RAB11FIP2: variants seen among roughly 807,000 people sequenced by gnomAD.
RAB11FIP2 encodes rab11 family-interacting protein 2.
A neutral mutation model predicts 40.9 loss-of-function variants in RAB11FIP2; 16 were observed. The observed-to-expected ratio is 0.39, with a 90% CI of 0.26 to 0.59. The LOEUF is 0.59. RAB11FIP2 is among the 20% of genes least tolerant of loss of function. The pLI is 0.53. For missense variants in RAB11FIP2, 532 were observed against 606.2 expected (o/e 0.88, Z 1.28); for synonymous variants, 228 against 213.7 (o/e 1.07, Z -0.58).
At chr10:118,032,803 A>C (rs945704525) in intron 3 of RAB11FIP2, among the ~76,000 whole-genome samples, 7 of 152,044 alleles carry the variant, frequency 4.6e-5, no homozygotes, top group African/African-American at 1.7e-4. Context: ...TGGGATGTGA[A>C]TCATCCCTTT....
rs1454662904 is a variant in RAB11FIP2, at chr10:118,039,184, T to G, written c.1053A>C (p.Arg351Ser). ...KPIEIRKENK[R>S]EKREKVSLFE... ...ACAGGCTAACTTTCTCCCTTTTCTC[T>G]CTTTTATTTTCTTTTCTTATTTCAA... Residue 351 changes from arginine (R) to serine (S), a missense_variant, in exon 3 of 5, where the codon AGA (arginine) becomes AGC (serine). Arg to Ser is a moderately radical substitution (Grantham distance 110, BLOSUM62 -1). Coordinates refer to ENST00000355624, the MANE Select transcript of RAB11FIP2 (RefSeq NM_014904.3). 5.6e-6 allele frequency: 9 copies of G among 1,613,660 alleles called. No individual in the cohort carries two copies. Among genetic ancestry groups the G allele is most frequent in the Non-Finnish European group, 7.6e-6 (9 of 1,179,764 alleles).
intron 3 of RAB11FIP2, among the ~76,000 whole-genome samples, chr10:118,036,469 A>G (rs1589646818): frequency 6.6e-6 from 1 of 152,286 alleles, no homozygotes; most frequent in Middle Eastern, 3.4e-3. Flanking sequence ...ATAGAACTAT[A>G]CTGTTACGTA....
chr10:118,033,464 G>A (rs1171499697), intron 3 of RAB11FIP2, among the ~76,000 whole-genome samples: 7 of 152,038 alleles, frequency 4.6e-5, no homozygotes, highest in Admixed American at 4.6e-4. Context: ...ACATTGTATA[G>A]TAATTACTTC....
intron 3 of RAB11FIP2, among the ~76,000 whole-genome samples, chr10:118,026,038 C>A (rs1040663355): frequency 6.6e-6 from 1 of 152,138 alleles, no homozygotes; most frequent in Non-Finnish European, 1.5e-5. Context: ...ATCAACATAA[C>A]CCTCACAGAG....
intron 3 of RAB11FIP2, among the ~76,000 whole-genome samples, chr10:118,030,901 A>G (rs148337925): frequency 1.3e-5 from 2 of 152,288 alleles, no homozygotes; most frequent in Non-Finnish European, 2.9e-5. Context: ...AAAAGTTTCA[A>G]GTAGTATCTG....
At chr10:118,017,045 T>A (rs1044152017) in intron 3 of RAB11FIP2, among the ~76,000 whole-genome samples, 1 of 152,250 alleles carries the variant, frequency 6.6e-6, no homozygotes, top group African/African-American at 2.4e-5. Context: ...TTAATCTTCA[T>A]GATCCTTACG....
intron 3 of RAB11FIP2, among the ~76,000 whole-genome samples, chr10:118,019,430 T>C (rs1846257722): frequency 6.6e-6 from 1 of 152,200 alleles, no homozygotes; most frequent in African/African-American, 2.4e-5. Context: ...TTATTGTGTA[T>C]GGCAAATAAG....
In RAB11FIP2 at chr10:118,015,104, A is replaced by C. The variant is rs1380677092; in HGVS notation, c.1272T>G (p.His424Gln). ...GGTCTTCATTGCTTGTTGGACTCATATGAAAACTAATAAAACACAAACAAA... is the reference window on the plus strand; with the variant it reads ...GGTCTTCATTGCTTGTTGGACTCATCTGAAAACTAATAAAACACAAACAAA... ...ASNIMPSSSFHMSPTSNEDLR... is the reference protein window; with the variant it reads ...ASNIMPSSSFQMSPTSNEDLR... Residue 424 changes from histidine to glutamine, a missense_variant, in exon 4 of 5, where the codon CAT becomes CAG. Physicochemically the swap from His to Gln is conservative, Grantham distance 24 (BLOSUM62 0). Coordinates refer to ENST00000355624, the MANE Select transcript of RAB11FIP2 (RefSeq NM_014904.3). 6.2e-7 allele frequency: 1 copy of C among 1,608,112 alleles called. No individual in the cohort carries two copies. Among genetic ancestry groups the C allele is most frequent in the South Asian group, 1.1e-5 (1 of 90,084 alleles).
chr10:118,039,548 T>TTAAATGTATTAACCTTC (rs1197101734), intron 2 of RAB11FIP2, 108 bp from the exon 3 acceptor site: 2 of 901,682 alleles, frequency 2.2e-6, no homozygotes, highest in Admixed American at 5.4e-5. Flanking sequence ...AATTAGCCAC[T>TTAAATGTATTAACCTTC]TAAATGTATT....
In RAB11FIP2 at chr10:118,045,815, T is replaced by C. The variant is rs770671826; in HGVS notation, c.349A>G (p.Thr117Ala). The change falls in exon 1 of 5, where the codon ACA (threonine) becomes GCA (alanine). Residue 117 changes from threonine to alanine, a missense_variant. Coordinates refer to ENST00000355624, the MANE Select transcript of RAB11FIP2 (RefSeq NM_014904.3). ...DIFEDKQRRK[T>A]EWFRLESKQG... ...AAAATAAATTACATAACTTACTCTG[T>C]TTTCCTTCTTTGTTTGTCCTCAAAG... is the stretch of plus-strand genomic sequence containing the variant. 1.7e-5 allele frequency: 27 copies of C among 1,596,852 alleles called. No individual in the cohort carries two copies. Among genetic ancestry groups the C allele is most frequent in the Non-Finnish European group, 2.1e-5 (25 of 1,170,412 alleles).
chr10:118,019,783 G>A (rs756252936), intron 3 of RAB11FIP2, among the ~76,000 whole-genome samples: 20 of 150,668 alleles, frequency 1.3e-4, no homozygotes, highest in South Asian at 4.2e-4. Context: ...CCGAGATCGC[G>A]CCACTGCACT....
At position 118,034,142 on chromosome 10, in the gene RAB11FIP2, G is replaced by C. The variant is rs183869470; in HGVS notation, c.1265+4830C>G. On this transcript the variant is annotated intron_variant, in intron 3 of 4. Coordinates refer to ENST00000355624, the MANE Select transcript of RAB11FIP2 (RefSeq NM_014904.3). The stretch of plus-strand genomic sequence containing the variant: ...CCGTACACAATTATGACGATAATGC[G>C]GCTGTGTTCGAACAAAACTTTACAA... 2.1e-3 allele frequency: 1,382 copies of C among 667,634 alleles called. 18 individuals carry two copies. Among genetic ancestry groups the C allele is most frequent in the Non-Finnish European group, 3.3e-4 (118 of 362,072 alleles). 41.4% of individuals were successfully genotyped at this position (667,634 alleles called of 1,614,324 possible). A position where few individuals can be genotyped will look rare whatever the true frequency, so the allele number is the denominator to read the frequency against.
At chr10:118,018,674 G>A (rs1170095620) in intron 3 of RAB11FIP2, among the ~76,000 whole-genome samples, 2 of 151,982 alleles carry the variant, frequency 1.3e-5, no homozygotes, top group Non-Finnish European at 2.9e-5. Context: ...ATATTTCTAG[G>A]AATCACTAGT....
chr10:118,020,980 A>T (rs1229492838), intron 3 of RAB11FIP2, among the ~76,000 whole-genome samples: 1 of 152,092 alleles, frequency 6.6e-6, no homozygotes, highest in Non-Finnish European at 1.5e-5. Context: ...TATGCTCCAT[A>T]ACTACTTATT....
chr10:118,042,331 A>C (rs1219817949), intron 1 of RAB11FIP2, among the ~76,000 whole-genome samples: 1 of 152,156 alleles, frequency 6.6e-6, no homozygotes, highest in Admixed American at 6.5e-5. Flanking sequence ...TAGAGATAAG[A>C]CCAATAAATC....
In RAB11FIP2 at chr10:118,040,093, C is replaced by G. The variant is rs201012280; in HGVS notation, c.796+30G>C. On this transcript the variant is annotated intron_variant, in intron 2 of 4. Transcript: ENST00000355624. The stretch of plus-strand genomic sequence containing the variant: ...TTAAAAACTAAAAGGGTAGTTCAGA[C>G]CAATGAGTACACAAGAATGTGACAC... The G allele has an allele frequency of 2.2e-5, 35 of 1,571,236 alleles. No homozygotes were observed. In the East Asian group the frequency reaches 7.0e-4, roughly 31 times the overall value.
intron 3 of RAB11FIP2, chr10:118,034,150 T>C (rs376939891): frequency 1.5e-6 from 1 of 661,400 alleles, no homozygotes. Flanking sequence ...GCGGCTGTGT[T>C]CGAACAAAAC....
chr10:118,035,455 TAGAA>T (rs1846469046), intron 3 of RAB11FIP2, among the ~76,000 whole-genome samples: 1 of 152,114 alleles, frequency 6.6e-6, no homozygotes, highest in Non-Finnish European at 1.5e-5. Flanking sequence ...TTCAGTCTAT[TAGAA>T]AGATCTTCAC....
Position 118,006,689 on chromosome 10 carries a change from A to C in RAB11FIP2, c.*2309T>G, listed in dbSNP as rs1244681732. On this transcript the variant is annotated 3_prime_UTR_variant, in exon 5 of 5. Transcript: ENST00000355624. ...TGCAATAAGTTTACTCTAGGTAATG[A>C]GTGAAAATTCACAAACATTAGAACA... 6.6e-6 allele frequency: 1 copy of C among 152,114 alleles called. No individual in the cohort carries two copies. The highest frequency in any genetic ancestry group is 1.5e-5 in the Non-Finnish European group (1 of 67,966). The allele number at this position is 152,114 out of a possible 1,614,324, so 9.4% of individuals were successfully genotyped here. A position where few individuals can be genotyped will look rare whatever the true frequency, so the allele number is the denominator to read the frequency against.
Sources: allele counts gnomAD v4.1 joint callset (sites outside exome capture counted in the v4.1 genomes callset), GRCh38; gene constraint gnomAD v4.1.1; transcripts MANE v1.5; gene names NCBI Gene and HGNC (gene_info 2026-07-23, HGNC 2026-07-21).